The following GSE1 variants were observed in gnomAD, a reference collection of about 807,000 sequenced individuals.
GSE1 encodes genetic suppressor element 1.
In GSE1, 32 loss-of-function variants were observed where a neutral mutation model predicts 112.6. That is an observed-to-expected ratio of 0.28 (90% confidence interval 0.21 to 0.38). The LOEUF (loss-of-function observed/expected upper bound fraction) is 0.38. GSE1 is among the 10% of genes least tolerant of loss of function. The pLI, the probability that GSE1 is intolerant of heterozygous loss-of-function variation, is 1.00. For missense variants in GSE1, 2,348 were observed against 1,699.2 expected, an observed-to-expected ratio of 1.38 and a Z score of -6.71; for synonymous variants, 1,115 against 735.6, an observed-to-expected ratio of 1.52 and a Z score of -8.35.
intron 1 of GSE1, among the ~76,000 whole-genome samples, chr16:85,613,814 G>A (rs924687810): frequency 4.1e-5 from 6 of 145,892 alleles, no homozygotes; most frequent in Admixed American, 1.4e-4. Flanking sequence ...GGGTGGCTGT[G>A]CGCCCCCGCG....
intron 1 of GSE1, among the ~76,000 whole-genome samples, chr16:85,192,777 C>T: frequency 6.6e-6 from 1 of 152,170 alleles, no homozygotes; most frequent in East Asian, 1.9e-4. Context: ...CTTCCCTGGG[C>T]CAGCTGTTGG....
In GSE1 at chr16:85,373,680, G is replaced by A. The variant is rs532564287; in HGVS notation, c.2464+16037G>A. Among the ~76,000 whole-genome samples, 2 of 152,286 alleles carry A rather than the reference G, an allele frequency of 1.3e-5. No homozygotes were observed. The highest frequency in any genetic ancestry group is 4.1e-4 in the South Asian group (2 of 4,826). On this transcript the variant is annotated intron_variant, in intron 2 of 2. Coordinates refer to the GSE1 transcript ENST00000637419. The surrounding 1 kb of genome is among the most constrained non-coding windows in gnomAD (Gnocchi z 5.1). Reference sequence around the variant, plus strand: ...GAGTCCGCTCAGAGCAGGTGCTCCAGGGAGATTCTGGAGTGAACAGGTGTG... The same window carrying A: ...GAGTCCGCTCAGAGCAGGTGCTCCAAGGAGATTCTGGAGTGAACAGGTGTG...
intron 2 of GSE1, among the ~76,000 whole-genome samples, chr16:85,427,166 G>A (rs550464975): frequency 2.0e-5 from 3 of 152,186 alleles, no homozygotes; most frequent in Non-Finnish European, 4.4e-5. Flanking sequence ...CTGCCCGCAG[G>A]TTCAGGCAAA....
intron 1 of GSE1, among the ~76,000 whole-genome samples, chr16:85,348,540 G>T (rs1422915553): frequency 6.6e-6 from 1 of 152,112 alleles, no homozygotes; most frequent in Non-Finnish European, 1.5e-5. Context: ...CTTGGCCACT[G>T]CCCATCCATG....
chr16:85,467,922 G>C (rs982076549), intron 2 of GSE1, among the ~76,000 whole-genome samples: 4 of 152,218 alleles, frequency 2.6e-5, no homozygotes, highest in African/African-American at 9.6e-5. Flanking sequence ...TGGGACCTGA[G>C]ACATCGTCTG....
At chr16:85,595,998 G>A (rs111775192) in intron 1 of GSE1, among the ~76,000 whole-genome samples, 5,292 of 87,210 alleles carry the variant, frequency 0.061, 405 homozygotes, top group African/African-American at 0.2. Flanking sequence ...TCCTCCATCC[G>A]CCCACCCATT....
rs1344105293 is a variant in GSE1, at chr16:85,656,485, GAGA to G, written c.1135_1137del (p.Lys379del). 1.9e-6 allele frequency: 3 copies of G among 1,544,350 alleles called. No homozygotes were observed. Among genetic ancestry groups the G allele is most frequent in the Admixed American group, 2.0e-5 (1 of 50,912 alleles). ...CGAGCAAGAGAAGGAGCGTGAGCGT[GAGA>G]AGGAGCGCGAGCGCGAGCTGGAGCG... On this transcript the variant is annotated inframe_deletion, in exon 7 of 16. Coordinates refer to ENST00000253458, the MANE Select transcript of GSE1 (RefSeq NM_014615.5).
chr16:85,641,955 C>T (rs537751515), intron 2 of GSE1, among the ~76,000 whole-genome samples: 3 of 152,350 alleles, frequency 2.0e-5, no homozygotes, highest in Non-Finnish European at 2.9e-5. Flanking sequence ...GGAAACAGGT[C>T]GGTAGGCGAA....
At chr16:85,420,214 C>T (rs1000352091) in intron 2 of GSE1, among the ~76,000 whole-genome samples, 9 of 151,994 alleles carry the variant, frequency 5.9e-5, no homozygotes, top group African/African-American at 1.4e-4. Context: ...CAGCGAGACC[C>T]CATTTCTTTT....
At chr16:85,505,460 T>G (rs1245827624) in intron 2 of GSE1, among the ~76,000 whole-genome samples, 1 of 152,102 alleles carries the variant, frequency 6.6e-6, no homozygotes, top group Non-Finnish European at 1.5e-5. Flanking sequence ...TCCTTACCTA[T>G]CTTACAAAGA....
chr16:85,502,571 T>C (rs2051406024), intron 2 of GSE1, among the ~76,000 whole-genome samples: 1 of 152,188 alleles, frequency 6.6e-6, no homozygotes, highest in African/African-American at 2.4e-5. Context: ...GGCCTCCACC[T>C]GGTGGTCCGA....
At chr16:85,328,555 C>T (rs879581251) in intron 1 of GSE1, among the ~76,000 whole-genome samples, 5 of 152,300 alleles carry the variant, frequency 3.3e-5, no homozygotes, top group Middle Eastern at 3.4e-3. Flanking sequence ...GGGAGGTGCC[C>T]CTGCTTCCCA....
chr16:85,619,717 G>A (rs1054372211), intron 1 of GSE1, among the ~76,000 whole-genome samples: 21 of 152,126 alleles, frequency 1.4e-4, no homozygotes, highest in African/African-American at 4.6e-4. Flanking sequence ...GCCGTGGGCT[G>A]TGCGTCAGGC....
rs141455795 is a variant in GSE1, at chr16:85,301,323, C to T, written c.2284-56140C>T. On this transcript the variant is annotated intron_variant, in intron 1 of 2. Transcript: ENST00000637419. ...GGCAGGAGCTGCCTTCACTGGGAGA[C>T]GTGTCGGATTCATGGGGGTGATTGA... 6.0e-3 allele frequency among the ~76,000 whole-genome samples: 910 copies of T among 152,300 alleles called. 6 individuals are homozygous for T. The highest frequency in any genetic ancestry group is 8.4e-3 in the Non-Finnish European group (574 of 68,022).
At chr16:85,643,377 G>C (rs1399164268) in intron 2 of GSE1, among the ~76,000 whole-genome samples, 2 of 152,326 alleles carry the variant, frequency 1.3e-5, no homozygotes, top group Middle Eastern at 3.4e-3. Context: ...GATCGAGGCT[G>C]AGCTGGCTGG....
chr16:85,256,857 C>A (rs186810638), intron 1 of GSE1, among the ~76,000 whole-genome samples: 2 of 152,266 alleles, frequency 1.3e-5, no homozygotes, highest in Non-Finnish European at 2.9e-5. Context: ...TTCAATGAAA[C>A]GCAACGCAAA....
chr16:85,396,351 G>A (rs2047965671), intron 2 of GSE1, among the ~76,000 whole-genome samples: 1 of 152,232 alleles, frequency 6.6e-6, no homozygotes, highest in African/African-American at 2.4e-5. Flanking sequence ...GTGGCCCAGC[G>A]CAGACAGGCC....
intron 2 of GSE1, among the ~76,000 whole-genome samples, chr16:85,416,779 C>G (rs1384457826): frequency 6.6e-6 from 1 of 152,264 alleles, no homozygotes; most frequent in Non-Finnish European, 1.5e-5. Context: ...TTGCATGGAT[C>G]CCGGGGCTTC....
chr16:85,552,328 CTTTTTTTTTTT>C (rs1195413161), upstream of GSE1, among the ~76,000 whole-genome samples: 5 of 47,754 alleles, frequency 1.0e-4, 1 homozygote, highest in African/African-American at 3.2e-4. Context: ...CCCGCCCCTC[CTTTTTTTTTTT>C]TTTTTTTTTT....
Sources: allele counts gnomAD v4.1 joint callset (sites outside exome capture counted in the v4.1 genomes callset), GRCh38; gene constraint gnomAD v4.1.1; non-coding constraint Gnocchi (gnomAD v3.1); transcripts MANE v1.5; gene names NCBI Gene and HGNC (gene_info 2026-07-23, HGNC 2026-07-21).